KDM4B: variants seen among roughly 807,000 people sequenced by gnomAD.
KDM4B encodes lysine-specific demethylase 4B.
KDM4B carries 32 observed loss-of-function variants against 125.2 expected under a neutral mutation model. The ratio of observed to expected loss-of-function variants is 0.26; its 90% CI spans 0.19 to 0.34. The LOEUF (loss-of-function observed/expected upper bound fraction) is 0.34, where lower values mean the gene tolerates loss of function less well. Ranked by LOEUF, KDM4B falls within the 10% of genes least tolerant of loss-of-function variation. The pLI, the probability that KDM4B is intolerant of heterozygous loss-of-function variation, is 1.00. For synonymous variants in KDM4B, 721 were observed against 677.9 expected, an observed-to-expected ratio of 1.06 and a Z score of -0.99; for missense variants, 1,190 against 1,577.7, an observed-to-expected ratio of 0.75 and a Z score of 4.16.
chr19:5,131,665 G>GGGAGGAGGGGGCAGGTGGGGCCC, intron 12 of KDM4B, 120 bp downstream of exon 12: 1 of 634,794 alleles, frequency 1.6e-6, no homozygotes. Context: ...GAGGGGACAG[G>GGGAGGAGGGGGCAGGTGGGGCCC]AGGGCTGACT....
intron 6 of KDM4B, among the ~76,000 whole-genome samples, chr19:5,051,765 C>T (rs373024386): frequency 2.0e-5 from 3 of 152,250 alleles, no homozygotes; most frequent in East Asian, 1.9e-4. Context: ...GGCGAAGGAG[C>T]GCTTGCCCGG....
chr19:4,972,234 G>C (rs996365432), intron 1 of KDM4B, among the ~76,000 whole-genome samples: 1 of 152,186 alleles, frequency 6.6e-6, no homozygotes, highest in African/African-American at 2.4e-5. Context: ...CCCCACACAG[G>C]CTTCAGAGTT....
chr19:5,127,784 G>A (rs189250227), intron 11 of KDM4B, among the ~76,000 whole-genome samples: 1,712 of 152,258 alleles, frequency 0.011, 17 homozygotes, highest in Non-Finnish European at 0.019. Flanking sequence ...CCTAGGGGAC[G>A]ATGGTGGCCT....
intron 1 of KDM4B, among the ~76,000 whole-genome samples, chr19:5,015,843 T>A (rs1465692870): frequency 6.6e-6 from 1 of 152,158 alleles, no homozygotes; most frequent in African/African-American, 2.4e-5. Flanking sequence ...CCTGCCCCCC[T>A]CTCTCCCCGT....
intron 1 of KDM4B, among the ~76,000 whole-genome samples, chr19:4,978,732 CAG>C (rs1445461724): frequency 6.6e-6 from 1 of 152,114 alleles, no homozygotes; most frequent in Non-Finnish European, 1.5e-5. Context: ...GTCGCTGGCT[CAG>C]GGGCGCGGGA....
At chr19:5,048,459 C>A (rs927877085) in intron 6 of KDM4B, among the ~76,000 whole-genome samples, 2 of 152,230 alleles carry the variant, frequency 1.3e-5, no homozygotes, top group Admixed American at 6.5e-5. Flanking sequence ...CTAGGTGGCG[C>A]TCCCGCCCTT....
chr19:5,073,972 G>A (rs2038024981), intron 7 of KDM4B: 1 of 152,332 alleles, frequency 6.6e-6, no homozygotes, highest in Admixed American at 6.5e-5. Context: ...GCTGGGCGTG[G>A]TGTTGTACAT....
At chr19:5,012,907 G>A (rs2035774742) in intron 1 of KDM4B, among the ~76,000 whole-genome samples, 1 of 152,226 alleles carries the variant, frequency 6.6e-6, no homozygotes, top group Admixed American at 6.5e-5. Flanking sequence ...TAAGGAATAG[G>A]GAGCTGCCTG....
chr19:5,066,907 C>T (rs2145803139), intron 6 of KDM4B, among the ~76,000 whole-genome samples: 2 of 152,316 alleles, frequency 1.3e-5, no homozygotes, highest in African/African-American at 4.8e-5. Context: ...GCTGGGGGTG[C>T]TGTGGACAGT....
At chr19:5,077,740 G>GC in intron 8 of KDM4B, 1 of 444,052 alleles carries the variant, frequency 2.3e-6, no homozygotes, top group Non-Finnish European at 4.1e-6. Context: ...GCCATCAGAG[G>GC]CCCCTCCGCA....
intron 18 of KDM4B, among the ~76,000 whole-genome samples, chr19:5,143,051 C>T (rs1281878346): frequency 6.6e-6 from 1 of 152,052 alleles, no homozygotes; most frequent in African/African-American, 2.4e-5. Flanking sequence ...AAAGGACCTG[C>T]GCGATGGCTC....
At chr19:5,071,121 G>A in intron 7 of KDM4B, 62 bp downstream of exon 7, 1 of 1,523,626 alleles carries the variant, frequency 6.6e-7, no homozygotes, top group Non-Finnish European at 9.0e-7. Flanking sequence ...CTGTGGGTGG[G>A]GAAGGGCAGC....
At chr19:5,025,655 T>C (rs546214021) in intron 2 of KDM4B, among the ~76,000 whole-genome samples, 1 of 152,328 alleles carries the variant, frequency 6.6e-6, no homozygotes, top group Admixed American at 6.5e-5. Flanking sequence ...TGCCGCCTCC[T>C]CTGCGCTCCC....
chr19:5,131,630 TGGTGGCGGGGGAG>T, intron 12 of KDM4B, 85 bp downstream of exon 12: 1 of 196,282 alleles, frequency 5.1e-6, no homozygotes, highest in Non-Finnish European at 7.5e-6. Context: ...ACAGGGGAGC[TGGTGGCGGGGGAG>T]GGGGCAGGGA....
At chr19:5,111,585 C>T in intron 10 of KDM4B, 3 of 739,520 alleles carry the variant, frequency 4.1e-6, no homozygotes, top group East Asian at 2.5e-5. Context: ...GGGAAGTGTC[C>T]AGGCTTCCAG....
chr19:5,020,392 G>C (rs772315031), intron 2 of KDM4B, among the ~76,000 whole-genome samples: 2 of 152,014 alleles, frequency 1.3e-5, no homozygotes, highest in Admixed American at 6.6e-5. Flanking sequence ...TTTCCCTTGG[G>C]CCGACACATG....
At chr19:5,048,149 C>T (rs372827100) in intron 6 of KDM4B, among the ~76,000 whole-genome samples, 50 of 152,304 alleles carry the variant, frequency 3.3e-4, no homozygotes, top group Non-Finnish European at 5.6e-4. Context: ...CAGGGCGTGG[C>T]GCTGCAGGCC....
rs1264233271 is a variant in KDM4B, at chr19:4,997,127, A to G, written c.-108-19130A>G. Among the ~76,000 whole-genome samples the G allele has an allele frequency of 6.6e-6, 1 of 152,228 alleles. No homozygotes were observed. Among genetic ancestry groups the G allele is most frequent in the Non-Finnish European group, 1.5e-5 (1 of 68,036 alleles). ...TAAATGTCCCTAGACATCGGAAGGC[A>G]TCCTCTGGGGGCACGATCAGCCTTG... On this transcript the variant is annotated intron_variant, in intron 1 of 22. Transcript: ENST00000159111. This position sits in a 1 kb window ranked among gnomAD's most constrained non-coding sequence, Gnocchi z 4.2.
intron 13 of KDM4B, among the ~76,000 whole-genome samples, chr19:5,132,279 C>T (rs1005230590): frequency 1.1e-4 from 17 of 152,138 alleles, no homozygotes; most frequent in Non-Finnish European, 2.2e-4. Flanking sequence ...GCTTGTACCT[C>T]CCCATGGAAG....
Sources: allele counts gnomAD v4.1 joint callset (sites outside exome capture counted in the v4.1 genomes callset), GRCh38; gene constraint gnomAD v4.1.1; non-coding constraint Gnocchi (gnomAD v3.1); transcripts MANE v1.5; gene names NCBI Gene and HGNC (gene_info 2026-07-23, HGNC 2026-07-21).